The following SSH2 variants were observed in gnomAD, a reference collection of about 807,000 sequenced individuals.
SSH2 encodes the protein slingshot protein phosphatase 2.
A neutral mutation model predicts 135.2 loss-of-function variants in SSH2; 37 were observed. That is an observed-to-expected ratio of 0.27 (90% CI 0.21 to 0.36). The LOEUF is 0.36. Ranked by LOEUF, SSH2 falls within the 10% of genes least tolerant of loss-of-function variation. The pLI is 1.00. For synonymous variants in SSH2, 628 were observed against 646.2 expected (o/e 0.97, Z 0.43); for missense variants, 1,408 against 1,765.3 (o/e 0.80, Z 3.63).
rs1363371778 is a variant in SSH2, at chr17:29,913,344, A to T, written c.63+16594T>A. On this transcript the variant is annotated intron_variant, in intron 1 of 15. Coordinates refer to ENST00000540801, the MANE Select transcript of SSH2 (RefSeq NM_001282129.2). ...AAAAAAAAAAAAAAAAAAAAAAAAAAAAAATATATATATATATATATATAT... is the reference window on the plus strand; with the variant it reads ...AAAAAAAAAAAAAAAAAAAAAAAAATAAAATATATATATATATATATATAT... Among the ~76,000 whole-genome samples, 20 of 49,728 alleles carry T rather than the reference A, an allele frequency of 4.0e-4. 1 individual carries two copies. Among genetic ancestry groups the T allele is most frequent in the African/African-American group, 8.1e-4 (13 of 16,042 alleles). 32.6% of individuals were successfully genotyped at this position (49,728 alleles called of 152,430 possible). A position where few individuals can be genotyped will look rare whatever the true frequency, so the allele number is the denominator to read the frequency against.
chr17:29,739,597 T>C (rs2044060881), intron 3 of SSH2, among the ~76,000 whole-genome samples: 1 of 152,238 alleles, frequency 6.6e-6, no homozygotes, highest in Non-Finnish European at 1.5e-5. Flanking sequence ...AAATACTTAG[T>C]AAAAGCCAAT....
At chr17:29,784,541 G>A (rs1306544910) in intron 3 of SSH2, among the ~76,000 whole-genome samples, 13 of 151,276 alleles carry the variant, frequency 8.6e-5, no homozygotes, top group Admixed American at 6.6e-5. Flanking sequence ...AGGTTGCAGT[G>A]AGCCGAGATT....
At chr17:29,831,615 T>C (rs1487611927) in intron 2 of SSH2, among the ~76,000 whole-genome samples, 5 of 151,728 alleles carry the variant, frequency 3.3e-5, no homozygotes, top group African/African-American at 1.2e-4. Context: ...CTTGCTCTTG[T>C]TGCTCAAGTG....
intron 1 of SSH2, among the ~76,000 whole-genome samples, chr17:29,858,259 C>T (rs1010678016): frequency 6.6e-6 from 1 of 152,190 alleles, no homozygotes; most frequent in African/African-American, 2.4e-5. Context: ...TATGCTATAA[C>T]AAATTACCAC....
At chr17:29,751,347 G>A (rs950988142) in intron 3 of SSH2, among the ~76,000 whole-genome samples, 4 of 152,084 alleles carry the variant, frequency 2.6e-5, no homozygotes, top group African/African-American at 9.7e-5. Flanking sequence ...CCCAGGAGGT[G>A]GAGGTTGCAG....
chr17:29,772,643 T>A (rs2041612403), intron 3 of SSH2, among the ~76,000 whole-genome samples: 1 of 152,012 alleles, frequency 6.6e-6, no homozygotes, highest in Admixed American at 6.6e-5. Flanking sequence ...AGATCCAGTC[T>A]CAATGTAAGC....
Position 29,694,624 on chromosome 17 carries a change from G to A in SSH2, c.357+835C>T, listed in dbSNP as rs529498601. ...GTGGAGGTTGCAGTGAGCCGAGATTGTGCCACTGCACTCCAGCCTGGGCAA... is the reference window on the plus strand; with the variant it reads ...GTGGAGGTTGCAGTGAGCCGAGATTATGCCACTGCACTCCAGCCTGGGCAA... On this transcript the variant is annotated intron_variant, in intron 5 of 15. Coordinates refer to ENST00000540801, the MANE Select transcript of SSH2 (RefSeq NM_001282129.2). Among the ~76,000 whole-genome samples the A allele has an allele frequency of 2.0e-5, 3 of 152,274 alleles. No homozygotes were observed. The East Asian group carries it at 5.8e-4, about 29-fold the overall frequency.
At chr17:29,875,299 A>G (rs1254232375) in intron 1 of SSH2, among the ~76,000 whole-genome samples, 1 of 152,214 alleles carries the variant, frequency 6.6e-6, no homozygotes, top group Non-Finnish European at 1.5e-5. Flanking sequence ...TTCTCTAATC[A>G]GAAATCTAGA....
intron 11 of SSH2, among the ~76,000 whole-genome samples, chr17:29,656,435 C>A (rs1456578695): frequency 3.9e-5 from 6 of 152,078 alleles, no homozygotes; most frequent in Admixed American, 1.3e-4. Flanking sequence ...CTCAGCCTCC[C>A]AAAGTGCTGG....
intron 1 of SSH2, among the ~76,000 whole-genome samples, chr17:29,863,107 G>A (rs1486504562): frequency 6.6e-6 from 1 of 151,934 alleles, no homozygotes; most frequent in Non-Finnish European, 1.5e-5. Flanking sequence ...GTGCAACAGA[G>A]ACCATATGTG....
At chr17:29,666,803 C>A (rs893508643) in intron 11 of SSH2, 64 bp downstream of exon 11, 8 of 1,479,104 alleles carry the variant, frequency 5.4e-6, no homozygotes, top group Non-Finnish European at 5.5e-6. Flanking sequence ...TTAATAATTA[C>A]CCCTGCCCAT....
At chr17:29,705,362 A>G (rs1320353497) in intron 3 of SSH2, among the ~76,000 whole-genome samples, 1 of 152,170 alleles carries the variant, frequency 6.6e-6, no homozygotes, top group Non-Finnish European at 1.5e-5. Flanking sequence ...CCATGTTCCC[A>G]TCACATTTGA....
chr17:29,636,735 T>C lies in SSH2; in HGVS notation c.1495A>G (p.Ile499Val), dbSNP rs148476155. Residue 499 changes from isoleucine (I) to valine (V), a missense_variant, in exon 15 of 16, where the codon ATC becomes GTC. Physicochemically the swap from Ile to Val is conservative, Grantham distance 29. This residue lies in a region of SSH2 where 1,080 missense variants were observed against 1,144.5 expected (regional missense o/e 0.94). Coordinates refer to ENST00000540801, the MANE Select transcript of SSH2 (RefSeq NM_001282129.2). Reference protein sequence around the residue: ...DSDLSDHHEPICKPGLELNKK... With the variant: ...DSDLSDHHEPVCKPGLELNKK... ...TTGAGTTCTAGCCCAGGTTTGCAGATGGGTTCGTGGTGGTCTGAGAGGTCA... is the reference window on the plus strand; with the variant it reads ...TTGAGTTCTAGCCCAGGTTTGCAGACGGGTTCGTGGTGGTCTGAGAGGTCA... 13,533 of 1,614,118 alleles carry C rather than the reference T, an allele frequency of 8.4e-3. 79 individuals carry two copies. The highest frequency in any genetic ancestry group is 9.5e-3 in the Non-Finnish European group (11,210 of 1,180,006).
intron 3 of SSH2, among the ~76,000 whole-genome samples, chr17:29,726,867 A>G (rs1431562138): frequency 6.6e-6 from 1 of 152,182 alleles, no homozygotes; most frequent in Non-Finnish European, 1.5e-5. Context: ...TTTTCTCAAA[A>G]TAGGTTTTTT....
intron 1 of SSH2, among the ~76,000 whole-genome samples, chr17:29,921,679 C>T (rs895476220): frequency 1.3e-5 from 2 of 151,822 alleles, no homozygotes; most frequent in Admixed American, 6.6e-5. Context: ...CGGGTTCAAG[C>T]GATTCTCCTG....
At chr17:29,742,956 C>T (rs2151211277) in intron 3 of SSH2, among the ~76,000 whole-genome samples, 1 of 149,164 alleles carries the variant, frequency 6.7e-6, no homozygotes, top group South Asian at 2.2e-4. Context: ...TTTTGAGACA[C>T]AGTCTCACTC....
chr17:29,843,274 C>T (rs559048852), intron 2 of SSH2, among the ~76,000 whole-genome samples: 11 of 152,290 alleles, frequency 7.2e-5, no homozygotes, highest in Middle Eastern at 3.4e-3. Flanking sequence ...GTGGCTCACA[C>T]TTGTAATTCC....
At chr17:29,783,875 G>A (rs1598992614) in intron 3 of SSH2, among the ~76,000 whole-genome samples, 3 of 148,870 alleles carry the variant, frequency 2.0e-5, no homozygotes, top group Middle Eastern at 7.1e-3. Context: ...GACCATCCCG[G>A]CTAAAACGGT....
chr17:29,630,807 T>C lies in SSH2; in HGVS notation c.*34A>G. 6.6e-7 allele frequency: 1 copy of C among 1,509,722 alleles called. No individual in the cohort carries two copies. The allele number at this position is 1,509,722 out of a possible 1,614,324, so 93.5% of individuals were successfully genotyped here. ...ATTACACCTGCCCCTTTTACAAACA[T>C]TTCTTCTAGAAAGTCACATGTGTAG... On this transcript the variant is annotated 3_prime_UTR_variant, in exon 16 of 16. Coordinates refer to ENST00000540801, the MANE Select transcript of SSH2 (RefSeq NM_001282129.2).
Sources: gnomAD v4.1 joint callset for allele counts (sites outside exome capture counted in the v4.1 genomes callset) on GRCh38, gnomAD v4.1.1 for gene constraint, gnomAD v4.1.1 regional missense constraint, MANE v1.5 for transcripts, NCBI Gene and HGNC (gene_info 2026-07-23, HGNC 2026-07-21) for gene names.